Variants in SEPTIN10 observed in about 807,000 individuals in gnomAD.
The protein encoded by SEPTIN10 is septin-10.
A neutral mutation model predicts 54.8 loss-of-function variants in SEPTIN10; 66 were observed. The ratio of observed to expected loss-of-function variants is 1.21; its 90% confidence interval spans 0.99 to 1.48. The LOEUF is 1.48. SEPTIN10 is among the 40% of genes most tolerant of loss of function. The pLI is 0.00. For missense variants in SEPTIN10, 620 were observed against 545.6 expected (o/e 1.14, Z -1.36); for synonymous variants, 161 against 181.0 (o/e 0.89, Z 0.89).
intron 9 of SEPTIN10, among the ~76,000 whole-genome samples, chr2:109,548,562 G>A (rs1681941881): frequency 6.6e-6 from 1 of 152,012 alleles, no homozygotes; most frequent in Non-Finnish European, 1.5e-5. Context: ...GATTGCCTGA[G>A]CTCAGGAGTT....
chr2:109,598,311 G>A (rs1454580712), intron 1 of SEPTIN10, among the ~76,000 whole-genome samples: 3 of 151,972 alleles, frequency 2.0e-5, no homozygotes, highest in Non-Finnish European at 2.9e-5. Flanking sequence ...CAGGTGATCC[G>A]CCCACCTCAG....
At position 109,560,317 on chromosome 2, in the gene SEPTIN10, A is replaced by C. The variant is rs528850882; in HGVS notation, c.1028+4049T>G. Among the ~76,000 whole-genome samples the C allele has an allele frequency of 3.9e-5, 6 of 152,150 alleles. 1 individual carries two copies. Among genetic ancestry groups the C allele is most frequent in the African/African-American group, 1.4e-4 (6 of 41,538 alleles). Reference sequence around the variant, plus strand: ...CTGTACTTGTGCAGCATAAACCTGGACCTCAACTTTGACACAGCAGCAGAC... The same window carrying C: ...CTGTACTTGTGCAGCATAAACCTGGCCCTCAACTTTGACACAGCAGCAGAC... On this transcript the variant is annotated intron_variant, in intron 8 of 10. Coordinates refer to ENST00000397712, the MANE Select transcript of SEPTIN10 (RefSeq NM_144710.5).
At chr2:109,591,230 T>G (rs1694004001) in intron 2 of SEPTIN10, among the ~76,000 whole-genome samples, 1 of 152,226 alleles carries the variant, frequency 6.6e-6, no homozygotes, top group Admixed American at 6.5e-5. Context: ...TTGTTAAAGT[T>G]GTTATCTGAT....
At chr2:109,589,000 G>A (rs1051621643) in intron 2 of SEPTIN10, among the ~76,000 whole-genome samples, 1 of 151,806 alleles carries the variant, frequency 6.6e-6, no homozygotes, top group African/African-American at 2.4e-5. Context: ...TAGTTATCAA[G>A]AAAATGTAAA....
intron 8 of SEPTIN10, among the ~76,000 whole-genome samples, chr2:109,557,195 A>T (rs572565489): frequency 2.1e-4 from 32 of 152,150 alleles, no homozygotes; most frequent in African/African-American, 3.6e-4. Flanking sequence ...AAAAAATTAT[A>T]AAAAAAATCT....
At position 109,543,660 on chromosome 2, in the gene SEPTIN10, T is replaced by C. The variant is rs1680469798; in HGVS notation, c.*649A>G. 6.6e-6 allele frequency: 1 copy of C among 152,592 alleles called. No homozygotes were observed. Among genetic ancestry groups the C allele is most frequent in the South Asian group, 2.1e-4 (1 of 4,842 alleles). 9.5% of individuals were successfully genotyped at this position (152,592 alleles called of 1,614,324 possible). On this transcript the variant is annotated 3_prime_UTR_variant, in exon 11 of 11. Coordinates refer to ENST00000397712, the MANE Select transcript of SEPTIN10 (RefSeq NM_144710.5). ...GCCACGATATTAATGGGTTCTGTAT[T>C]TTCAGTGGCACTGACTTCGCTCTTT... is the stretch of plus-strand genomic sequence containing the variant.
At chr2:109,544,537 CAGCAGGGTTCTCAAGTGG>C in intron 10 of SEPTIN10, 1 of 983,256 alleles carries the variant, frequency 1.0e-6, no homozygotes. Context: ...TTGCAAACAA[CAGCAGGGTTCTCAAGTGG>C]AGCAGGGTGA....
In SEPTIN10 at chr2:109,576,090, A is replaced by G. The variant is rs1301278254; in HGVS notation, c.414-1323T>C. Among the ~76,000 whole-genome samples, 4 of 151,914 alleles carry G rather than the reference A, an allele frequency of 2.6e-5. No individual in the cohort carries two copies. The East Asian group carries it at 7.8e-4, about 30-fold the overall frequency. On this transcript the variant is annotated intron_variant, in intron 4 of 10. Transcript: ENST00000397712. ...TGGACAACAACACAGCGAGACCCCCATCTCTACTAAAAAACTTTAAAAATC... is the reference window on the plus strand; with the variant it reads ...TGGACAACAACACAGCGAGACCCCCGTCTCTACTAAAAAACTTTAAAAATC...
intron 5 of SEPTIN10, among the ~76,000 whole-genome samples, chr2:109,570,764 C>T (rs1230599683): frequency 2.0e-5 from 3 of 152,102 alleles, no homozygotes; most frequent in Non-Finnish European, 4.4e-5. Flanking sequence ...CCTCGTGATC[C>T]ACCTGCCTTG....
At chr2:109,586,607 C>A (rs1692606646) in intron 2 of SEPTIN10, among the ~76,000 whole-genome samples, 1 of 152,186 alleles carries the variant, frequency 6.6e-6, no homozygotes, top group African/African-American at 2.4e-5. Context: ...GATGGCCAAA[C>A]TGCACACATA....
intron 4 of SEPTIN10, among the ~76,000 whole-genome samples, chr2:109,584,043 C>G (rs1691858110): frequency 6.6e-6 from 1 of 152,172 alleles, no homozygotes; most frequent in Non-Finnish European, 1.5e-5. Flanking sequence ...TGGTACTATG[C>G]TCACTACCTG....
chr2:109,588,126 G>A (rs374440283), intron 2 of SEPTIN10, among the ~76,000 whole-genome samples: 6 of 151,316 alleles, frequency 4.0e-5, no homozygotes, highest in African/African-American at 7.3e-5. Flanking sequence ...AAAAGACATC[G>A]TAGAATTCTA....
chr2:109,609,330 G>A (rs2106335915), intron 1 of SEPTIN10, among the ~76,000 whole-genome samples: 1 of 138,678 alleles, frequency 7.2e-6, no homozygotes, highest in Non-Finnish European at 1.6e-5. Flanking sequence ...GGCTATGGAG[G>A]ATACAAAGAA....
At position 109,546,057 on chromosome 2, in the gene SEPTIN10, G is replaced by A. The variant is rs770626851; in HGVS notation, c.1342C>T (p.Arg448Cys). Residue 448 changes from arginine to cysteine, a missense_variant, in exon 10 of 11, where the codon CGT becomes TGT. Arg to Cys is a radical substitution (Grantham distance 180, BLOSUM62 -3). Transcript: ENST00000397712. The stretch of plus-strand genomic sequence containing the variant: ...GGTGGCTGGGCCTCTTACTTCTTAC[G>A]GTCCTTGTCCTTCCTCAGGTTGCTG... ...TGSNLRKDKDRKNSNFL is the reference protein window; with the variant it reads ...TGSNLRKDKDCKNSNFL 18 of 1,575,574 alleles carry A rather than the reference G, an allele frequency of 1.1e-5. No individual in the cohort carries two copies. The highest frequency in any genetic ancestry group is 2.3e-5 in the South Asian group (2 of 85,204).
intron 1 of SEPTIN10, among the ~76,000 whole-genome samples, chr2:109,608,348 C>A (rs1014831102): frequency 5.3e-5 from 8 of 152,216 alleles, no homozygotes; most frequent in Non-Finnish European, 1.0e-4. Context: ...TTTGTGAACT[C>A]TTTCTATGTA....
intron 1 of SEPTIN10, among the ~76,000 whole-genome samples, chr2:109,607,896 G>A (rs966037979): frequency 1.3e-5 from 2 of 152,018 alleles, no homozygotes; most frequent in Non-Finnish European, 1.5e-5. Flanking sequence ...TTTATAAGAC[G>A]ACAAAAGGAC....
chr2:109,579,745 T>C (rs138615445), intron 4 of SEPTIN10, among the ~76,000 whole-genome samples: 11 of 152,210 alleles, frequency 7.2e-5, no homozygotes, highest in Non-Finnish European at 1.6e-4. Flanking sequence ...TCTAATCTTA[T>C]GCAAATTTTT....
rs560131014 is a variant in SEPTIN10, at chr2:109,592,675, G to C, written c.99+376C>G. On this transcript the variant is annotated intron_variant, in intron 2 of 10. Coordinates refer to ENST00000397712, the MANE Select transcript of SEPTIN10 (RefSeq NM_144710.5). ...GTCACCTGTGATCCCAGCTACTCGG[G>C]AGGCTGAGACAAGAGAATCGCTTGA... 1.6e-3 allele frequency among the ~76,000 whole-genome samples: 222 copies of C among 141,428 alleles called. 3 individuals are homozygous for C. The highest frequency in any genetic ancestry group is 5.1e-4 in the Non-Finnish European group (33 of 64,886). 92.8% of individuals were successfully genotyped at this position (141,428 alleles called of 152,430 possible).
chr2:109,579,905 G>C (rs1454237216), intron 4 of SEPTIN10, among the ~76,000 whole-genome samples: 2 of 151,732 alleles, frequency 1.3e-5, no homozygotes, highest in African/African-American at 4.8e-5. Context: ...TGGATCACCT[G>C]AGGTCAGGAG....
Sources: gnomAD v4.1 joint callset for allele counts (sites outside exome capture counted in the v4.1 genomes callset) on GRCh38, gnomAD v4.1.1 for gene constraint, MANE v1.5 for transcripts, NCBI Gene and HGNC (gene_info 2026-07-23, HGNC 2026-07-21) for gene names.